Variants in FOXJ3 observed in about 807,000 individuals in gnomAD.
FOXJ3 encodes the protein forkhead box J3.
A neutral mutation model predicts 76.1 loss-of-function variants in FOXJ3; 22 were observed. The observed-to-expected ratio is 0.29, with a 90% CI of 0.21 to 0.41. The LOEUF is 0.41. Among genes scored for constraint, FOXJ3 ranks in the 10% least tolerant of loss-of-function variants. The pLI is 1.00. For missense variants in FOXJ3, 613 were observed against 762.1 expected, an observed-to-expected ratio of 0.80 and a Z score of 2.30; for synonymous variants, 269 against 261.2, an observed-to-expected ratio of 1.03 and a Z score of -0.29.
At chr1:42,221,177 G>T (rs1647177386) in intron 5 of FOXJ3, among the ~76,000 whole-genome samples, 1 of 152,140 alleles carries the variant, frequency 6.6e-6, no homozygotes, top group Non-Finnish European at 1.5e-5. Flanking sequence ...TCTAGAAAAG[G>T]TGTGAGTGAG....
At chr1:42,199,363 T>C in intron 6 of FOXJ3, 133 bp from the exon 7 acceptor site, 1 of 636,816 alleles carries the variant, frequency 1.6e-6, no homozygotes, top group Non-Finnish European at 2.7e-6. Flanking sequence ...CTCACCCCAA[T>C]TCCATGCCCC....
intron 2 of FOXJ3, among the ~76,000 whole-genome samples, chr1:42,290,600 T>C (rs1653354517): frequency 6.6e-6 from 1 of 152,184 alleles, no homozygotes; most frequent in African/African-American, 2.4e-5. Flanking sequence ...TCTATTATAC[T>C]GGCTCCTTTT....
In FOXJ3 at chr1:42,329,979, C is replaced by G. The variant is rs542030446; in HGVS notation, c.-18+5080G>C. On this transcript the variant is annotated intron_variant, in intron 1 of 12. Coordinates refer to ENST00000361346, the MANE Select transcript of FOXJ3 (RefSeq NM_014947.5). ...GGTTCAAATCCTGGCTCTTTCCATT[C>G]CTAGCTATGTTCCCTTAGTCAAATC... Among the ~76,000 whole-genome samples, 4 of 152,276 alleles carry G rather than the reference C, an allele frequency of 2.6e-5. No individual in the cohort carries two copies. In the East Asian group the frequency reaches 7.7e-4, roughly 29 times the overall value.
At chr1:42,230,802 A>C (rs1354896406) in intron 4 of FOXJ3, among the ~76,000 whole-genome samples, 1 of 152,160 alleles carries the variant, frequency 6.6e-6, no homozygotes, top group African/African-American at 2.4e-5. Context: ...GCAATTCCTA[A>C]AAAAATTAAA....
At chr1:42,280,710 A>G (rs1286901169) in intron 2 of FOXJ3, among the ~76,000 whole-genome samples, 1 of 152,182 alleles carries the variant, frequency 6.6e-6, no homozygotes, top group Non-Finnish European at 1.5e-5. Flanking sequence ...CTGATACCCA[A>G]TCTGGTAGTT....
At chr1:42,266,051 G>A (rs757446696) in intron 3 of FOXJ3, among the ~76,000 whole-genome samples, 1 of 152,144 alleles carries the variant, frequency 6.6e-6, no homozygotes, top group Non-Finnish European at 1.5e-5. Context: ...CAAATGGCTA[G>A]TATTTGGGAG....
intron 4 of FOXJ3, among the ~76,000 whole-genome samples, chr1:42,228,629 A>G (rs1372453928): frequency 6.6e-6 from 1 of 151,868 alleles, no homozygotes; most frequent in East Asian, 1.9e-4. Context: ...TGCAAATATT[A>G]TACAAACAAG....
chr1:42,332,093 C>T (rs540003788), intron 1 of FOXJ3, among the ~76,000 whole-genome samples: 6 of 152,072 alleles, frequency 3.9e-5, no homozygotes, highest in Non-Finnish European at 7.4e-5. Flanking sequence ...ACTTCTACAC[C>T]GCATTTGAAA....
At chr1:42,323,292 G>A (rs555215392) in intron 1 of FOXJ3, among the ~76,000 whole-genome samples, 1 of 152,164 alleles carries the variant, frequency 6.6e-6, no homozygotes, top group East Asian at 1.9e-4. Context: ...AAAATGCTTT[G>A]TTAATGTCCA....
rs1342127872 is a variant in FOXJ3 at position 42,222,013 on chromosome 1, AAGGAGAAGGGGGAGGGGG to A, written c.528+5852_528+5869del. On this transcript the variant is annotated intron_variant, in intron 5 of 12. Transcript: ENST00000361346. The stretch of plus-strand genomic sequence containing the variant: ...GGAGGGGGAGGGGGAGGAGGAGGAG[AAGGAGAAGGGGGAGGGGG>A]AGGAGAAGGAGAAGGAGAAGAAGAA... 6.3e-3 allele frequency among the ~76,000 whole-genome samples: 22 copies of A among 3,472 alleles called. 3 individuals are homozygous for A. Among genetic ancestry groups the A allele is most frequent in the East Asian group, 0.018 (3 of 164 alleles). 2.3% of individuals were successfully genotyped at this position (3,472 alleles called of 152,430 possible).
intron 1 of FOXJ3, among the ~76,000 whole-genome samples, chr1:42,327,719 C>T (rs1655920056): frequency 6.6e-6 from 1 of 151,982 alleles, no homozygotes; most frequent in Non-Finnish European, 1.5e-5. Flanking sequence ...TTCCAATTTA[C>T]AAGGTTTTTA....
intron 6 of FOXJ3, among the ~76,000 whole-genome samples, chr1:42,200,621 G>A (rs933416024): frequency 6.6e-6 from 1 of 152,104 alleles, no homozygotes; most frequent in Non-Finnish European, 1.5e-5. Context: ...TGGGATTACA[G>A]ATGCGCGCCA....
At chr1:42,295,219 C>T (rs984561803) in intron 2 of FOXJ3, among the ~76,000 whole-genome samples, 1 of 152,066 alleles carries the variant, frequency 6.6e-6, no homozygotes, top group Non-Finnish European at 1.5e-5. Flanking sequence ...CTCCCACCCT[C>T]CCCCCGGTGG....
chr1:42,220,603 G>T (rs1455181017), intron 5 of FOXJ3, among the ~76,000 whole-genome samples: 2 of 152,166 alleles, frequency 1.3e-5, no homozygotes, highest in Non-Finnish European at 2.9e-5. Flanking sequence ...GTGCTGAAAA[G>T]CTAAAGCCCC....
intron 4 of FOXJ3, among the ~76,000 whole-genome samples, chr1:42,246,048 T>TA (rs765531594): frequency 1.5e-3 from 227 of 151,900 alleles, no homozygotes; most frequent in Middle Eastern, 0.014. Flanking sequence ...GACTCAAAAC[T>TA]AAAAAAACTA....
At chr1:42,257,132 A>T (rs993927501) in intron 4 of FOXJ3, among the ~76,000 whole-genome samples, 2 of 152,270 alleles carry the variant, frequency 1.3e-5, no homozygotes, top group African/African-American at 4.8e-5. Flanking sequence ...ACAGATGCAG[A>T]TATTAATTTA....
chr1:42,213,722 A>G (rs1647012384), intron 5 of FOXJ3, among the ~76,000 whole-genome samples: 1 of 152,202 alleles, frequency 6.6e-6, no homozygotes, highest in Non-Finnish European at 1.5e-5. Flanking sequence ...AAAATACTGT[A>G]TAATTTCACT....
chr1:42,280,914 C>T (rs1008351548), intron 2 of FOXJ3, among the ~76,000 whole-genome samples: 7 of 152,162 alleles, frequency 4.6e-5, no homozygotes, highest in African/African-American at 1.7e-4. Context: ...TTATACCATG[C>T]TGTCATCCAA....
intron 6 of FOXJ3, among the ~76,000 whole-genome samples, chr1:42,203,452 T>A (rs1646800611): frequency 6.6e-6 from 1 of 152,164 alleles, no homozygotes; most frequent in Non-Finnish European, 1.5e-5. Flanking sequence ...AGCATACCAC[T>A]CTAGTAACTG....
Sources: allele counts gnomAD v4.1 joint callset (sites outside exome capture counted in the v4.1 genomes callset), GRCh38; gene constraint gnomAD v4.1.1; transcripts MANE v1.5; gene names NCBI Gene and HGNC (gene_info 2026-07-23, HGNC 2026-07-21).